Variants in AGAP1 observed in about 807,000 individuals in gnomAD.
The protein encoded by AGAP1 is ArfGAP with GTPase domain, ankyrin repeat and PH domain 1, also known as arf-GAP with GTPase, ANK repeat and PH domain-containing protein 1.
AGAP1 carries 29 observed loss-of-function variants against 105.3 expected under a neutral mutation model. The observed-to-expected ratio is 0.28, with a 90% CI of 0.21 to 0.38. The LOEUF is 0.38. AGAP1 is among the 10% of genes least tolerant of loss of function. The pLI is 1.00. For synonymous variants in AGAP1, 509 were observed against 485.9 expected (o/e 1.05, Z -0.63); for missense variants, 998 against 1,165.1 (o/e 0.86, Z 2.09).
At chr2:235,914,821 G>A (rs1407053230) in intron 11 of AGAP1, among the ~76,000 whole-genome samples, 2 of 152,202 alleles carry the variant, frequency 1.3e-5, no homozygotes, top group Non-Finnish European at 2.9e-5. Context: ...GCTGTGCGAC[G>A]AAAGCAAGGA....
Position 235,901,280 on chromosome 2 carries a change from A to G in AGAP1, c.1156-7458A>G, listed in dbSNP as rs1471881890. Among the ~76,000 whole-genome samples the G allele has an allele frequency of 1.3e-5, 2 of 151,054 alleles. No individual in the cohort carries two copies. Among genetic ancestry groups the G allele is most frequent in the African/African-American group, 2.4e-5 (1 of 41,090 alleles). ...AACTTTACAATGGCTTCTCTTACAT[A>G]CTTTTTTTTTTTTGAGCCCAGAAGT... On this transcript the variant is annotated intron_variant, in intron 10 of 17. Transcript: ENST00000304032. The surrounding 1 kb of genome is among the most constrained non-coding windows in gnomAD (Gnocchi z 4.3).
chr2:236,039,064 C>G (rs915250494), intron 14 of AGAP1, among the ~76,000 whole-genome samples: 1 of 152,158 alleles, frequency 6.6e-6, no homozygotes, highest in Non-Finnish European at 1.5e-5. Context: ...ACGCAAAAAT[C>G]AAGCTTATTG....
At position 235,678,773 on chromosome 2, in the gene AGAP1, G is replaced by T. The variant is rs1273466719; in HGVS notation, c.164-30406G>T. Among the ~76,000 whole-genome samples, 4 of 151,796 alleles carry T rather than the reference G, an allele frequency of 2.6e-5. No individual in the cohort carries two copies. In the East Asian group the frequency reaches 5.8e-4, roughly 22 times the overall value. ...CCTTGGGATCCTGGTATATTCTGCCGGCTCACCTGAGACGTAGTAAGAGTT... is the reference window on the plus strand; with the variant it reads ...CCTTGGGATCCTGGTATATTCTGCCTGCTCACCTGAGACGTAGTAAGAGTT... On this transcript the variant is annotated intron_variant, in intron 1 of 17. Transcript: ENST00000304032.
chr2:235,792,599 A>G lies in AGAP1; in HGVS notation c.674-5160A>G, dbSNP rs73996401. Among the ~76,000 whole-genome samples, 541 of 152,318 alleles carry G rather than the reference A, an allele frequency of 3.6e-3. 5 individuals carry two copies. The highest frequency in any genetic ancestry group is 0.013 in the African/African-American group (531 of 41,566). ...CTGTGGAAGGATAAGTCTTAGACCA[A>G]GGCAGTGGCAGTGAAGACGAATTTC... On this transcript the variant is annotated intron_variant, in intron 6 of 17. Transcript: ENST00000304032. This position sits in a 1 kb window ranked among gnomAD's most constrained non-coding sequence, Gnocchi z 5.3.
At position 236,062,851 on chromosome 2, in the gene AGAP1, G is replaced by C. The variant is rs957128986; in HGVS notation, c.2114+13570G>C. 6.6e-6 allele frequency among the ~76,000 whole-genome samples: 1 copy of C among 152,050 alleles called. No homozygotes were observed. Among genetic ancestry groups the C allele is most frequent in the Non-Finnish European group, 1.5e-5 (1 of 68,026 alleles). ...TAATGTTTGTATTTTTAGTAGAGAT[G>C]GGGTTTCACCATCTTGGCCAGGCTG... On this transcript the variant is annotated intron_variant, in intron 16 of 17. Coordinates refer to ENST00000304032, the MANE Select transcript of AGAP1 (RefSeq NM_001037131.3). This position sits in a 1 kb window ranked among gnomAD's most constrained non-coding sequence, Gnocchi z 4.2.
rs187888374 is a variant in AGAP1, at chr2:235,792,759, C to T, written c.674-5000C>T. On this transcript the variant is annotated intron_variant, in intron 6 of 17. Transcript: ENST00000304032. The surrounding 1 kb of genome is among the most constrained non-coding windows in gnomAD (Gnocchi z 5.3). ...GAGAGGCTAGGAGGCCCAGGCTGGG[C>T]GGCGCGGACTTGAAGGCGCCTCTAG... 2.6e-3 allele frequency among the ~76,000 whole-genome samples: 390 copies of T among 152,238 alleles called. 1 individual carries two copies. Among genetic ancestry groups the T allele is most frequent in the African/African-American group, 9.1e-3 (378 of 41,554 alleles).
chr2:235,560,185 A>G (rs1033646366), intron 1 of AGAP1, among the ~76,000 whole-genome samples: 2 of 152,108 alleles, frequency 1.3e-5, no homozygotes, highest in African/African-American at 4.8e-5. Context: ...GTAATTGTCA[A>G]TTTTTTAAAA....
In AGAP1 at chr2:235,960,450, C is replaced by T. The variant is rs1169151505; in HGVS notation, c.1484-8012C>T. Among the ~76,000 whole-genome samples the T allele has an allele frequency of 4.6e-5, 7 of 152,166 alleles. No individual in the cohort carries two copies. The stretch of plus-strand genomic sequence containing the variant: ...CTTTCTCCCGGTGCAATGACACCTT[C>T]ATCTCCCTGTTGGTCCCATTCTCTG... On this transcript the variant is annotated intron_variant, in intron 12 of 17. Transcript: ENST00000304032. This position sits in a 1 kb window ranked among gnomAD's most constrained non-coding sequence, Gnocchi z 4.9.
At chr2:235,863,605 G>T (rs2049024361) in intron 9 of AGAP1, among the ~76,000 whole-genome samples, 1 of 152,218 alleles carries the variant, frequency 6.6e-6, no homozygotes, top group South Asian at 2.1e-4. Flanking sequence ...GCTGGCTGGG[G>T]TTAGGGAGGC....
intron 13 of AGAP1, among the ~76,000 whole-genome samples, chr2:236,021,013 A>G (rs1365985847): frequency 1.3e-5 from 2 of 152,058 alleles, no homozygotes; most frequent in Non-Finnish European, 2.9e-5. Context: ...TAAAAATACA[A>G]AAATTAGCTG....
chr2:235,649,553 G>T (rs917971767), intron 1 of AGAP1, among the ~76,000 whole-genome samples: 1 of 152,096 alleles, frequency 6.6e-6, no homozygotes, highest in Non-Finnish European at 1.5e-5. Flanking sequence ...TTCTTATTTT[G>T]TAGAGATGGG....
rs1260526645 is a variant in AGAP1 at position 235,692,355 on chromosome 2, C to G, written c.164-16824C>G. ...GCCTTCTCCAGCACTGGGCCGTCCA[C>G]TTTGCTCCTTTGTGCCTGCACTGCC... On this transcript the variant is annotated intron_variant, in intron 1 of 17. Transcript: ENST00000304032. The surrounding 1 kb of genome is among the most constrained non-coding windows in gnomAD (Gnocchi z 5.8). Among the ~76,000 whole-genome samples, 1 of 152,114 alleles carries G rather than the reference C, an allele frequency of 6.6e-6. No individual in the cohort carries two copies. Among genetic ancestry groups the G allele is most frequent in the African/African-American group, 2.4e-5 (1 of 41,414 alleles).
At position 236,005,036 on chromosome 2, in the gene AGAP1, G is replaced by A. The variant is rs150316172; in HGVS notation, c.1646-31525G>A. On this transcript the variant is annotated intron_variant, in intron 13 of 17. Coordinates refer to ENST00000304032, the MANE Select transcript of AGAP1 (RefSeq NM_001037131.3). This position sits in a 1 kb window ranked among gnomAD's most constrained non-coding sequence, Gnocchi z 4.1. ...TTGATAGACTTTGTTTTCTAGGAAA[G>A]CTTTAGACTTTTAGAAAAATTGAGG... 5.9e-5 allele frequency among the ~76,000 whole-genome samples: 9 copies of A among 152,280 alleles called. No individual in the cohort carries two copies. In the East Asian group the frequency reaches 1.7e-3, roughly 29 times the overall value.
At chr2:235,831,184 T>TAAAAAAAA (rs35101565) in intron 9 of AGAP1, among the ~76,000 whole-genome samples, 2 of 138,114 alleles carry the variant, frequency 1.4e-5, no homozygotes, top group African/African-American at 5.6e-5. Flanking sequence ...TCTTCTTCTT[T>TAAAAAAAA]AAAAAAAAAA....
intron 1 of AGAP1, among the ~76,000 whole-genome samples, chr2:235,590,289 A>G (rs761237896): frequency 7.2e-5 from 11 of 152,178 alleles, no homozygotes; most frequent in Non-Finnish European, 1.3e-4. Flanking sequence ...ATACAGATGT[A>G]AGCACCCATC....
chr2:235,651,150 G>A (rs1440296469), intron 1 of AGAP1, among the ~76,000 whole-genome samples: 2 of 131,968 alleles, frequency 1.5e-5, no homozygotes, highest in African/African-American at 2.8e-5. Context: ...CAGCCAGTGC[G>A]CTCCAGCCAG....
intron 12 of AGAP1, among the ~76,000 whole-genome samples, chr2:235,938,343 T>A (rs2053089613): frequency 6.6e-6 from 1 of 152,212 alleles, no homozygotes. Flanking sequence ...GTCATAATTG[T>A]CACTAAGCTG....
At position 236,053,969 on chromosome 2, in the gene AGAP1, A is replaced by G. The variant is rs1235789738; in HGVS notation, c.2114+4688A>G. Among the ~76,000 whole-genome samples, 1 of 152,104 alleles carries G rather than the reference A, an allele frequency of 6.6e-6. No individual in the cohort carries two copies. The highest frequency in any genetic ancestry group is 1.5e-5 in the Non-Finnish European group (1 of 68,030). On this transcript the variant is annotated intron_variant, in intron 16 of 17. Transcript: ENST00000304032. The surrounding 1 kb of genome is among the most constrained non-coding windows in gnomAD (Gnocchi z 4.6). ...TATTTGTAAGTTCACCTCTGTGCCT[A>G]AACTCCCTTCTTGTCTTTAACCTAT...
intron 12 of AGAP1, among the ~76,000 whole-genome samples, chr2:235,949,185 G>A (rs2053625764): frequency 6.6e-6 from 1 of 152,112 alleles, no homozygotes; most frequent in African/African-American, 2.4e-5. Context: ...TTTCATACAT[G>A]CACGTTGAGT....
Sources: gnomAD v4.1 joint callset for allele counts (sites outside exome capture counted in the v4.1 genomes callset) on GRCh38, gnomAD v4.1.1 for gene constraint, Gnocchi (gnomAD v3.1) non-coding constraint, MANE v1.5 for transcripts, NCBI Gene and HGNC (gene_info 2026-07-23, HGNC 2026-07-21) for gene names.